Variants in SPAG16 observed in about 807,000 individuals in gnomAD.
SPAG16 encodes sperm-associated antigen 16 protein.
Under a neutral mutation model 80.4 loss-of-function variants are expected in SPAG16, and 86 were observed. That is an observed-to-expected ratio of 1.07 (90% CI 0.90 to 1.28). The LOEUF (loss-of-function observed/expected upper bound fraction) is 1.28, where lower values mean the gene tolerates loss of function less well. Among genes scored for constraint, SPAG16 ranks in the 50% most tolerant of loss-of-function variants. SPAG16 has a pLI of 0.00. For missense variants in SPAG16, 870 were observed against 765.3 expected (o/e 1.14, Z -1.61); for synonymous variants, 294 against 265.9 (o/e 1.11, Z -1.03).
intron 10 of SPAG16, among the ~76,000 whole-genome samples, chr2:213,833,296 A>G (rs141015694): frequency 0.015 from 2,140 of 145,650 alleles, 62 homozygotes; most frequent in African/African-American, 0.052. Flanking sequence ...GTAGAGATCC[A>G]CCAGACTGTT....
At chr2:214,361,657 T>C (rs1699193370) in intron 15 of SPAG16, among the ~76,000 whole-genome samples, 1 of 151,860 alleles carries the variant, frequency 6.6e-6, no homozygotes, top group South Asian at 2.1e-4. Flanking sequence ...AACTTGTAAA[T>C]TTAGAAGGCT....
At chr2:213,523,863 G>A (rs181679689) in intron 10 of SPAG16, among the ~76,000 whole-genome samples, 1 of 152,284 alleles carries the variant, frequency 6.6e-6, no homozygotes, top group Admixed American at 6.5e-5. Flanking sequence ...GTGGCAAAGT[G>A]TTCAAAGGAA....
intron 10 of SPAG16, among the ~76,000 whole-genome samples, chr2:213,700,538 A>C (rs2065360323): frequency 6.6e-6 from 1 of 152,204 alleles, no homozygotes; most frequent in Non-Finnish European, 1.5e-5. Flanking sequence ...CATTTTCTAG[A>C]ATGTTACTTA....
At chr2:214,378,174 C>T (rs1024412926) in intron 15 of SPAG16, among the ~76,000 whole-genome samples, 1 of 152,222 alleles carries the variant, frequency 6.6e-6, no homozygotes, top group African/African-American at 2.4e-5. Context: ...ACACTTTAGA[C>T]ATCTCCAGAA....
intron 11 of SPAG16, among the ~76,000 whole-genome samples, chr2:213,904,314 TG>T (rs1433754622): frequency 6.6e-6 from 1 of 152,142 alleles, no homozygotes; most frequent in African/African-American, 2.4e-5. Flanking sequence ...TCCACATGGC[TG>T]GGGAGGCCTC....
chr2:213,372,123 A>G (rs185790144), intron 8 of SPAG16, among the ~76,000 whole-genome samples: 27 of 139,644 alleles, frequency 1.9e-4, no homozygotes, highest in Admixed American at 1.0e-3. Flanking sequence ...ATATTATGAG[A>G]TAAATTTTTT....
At chr2:213,753,491 T>A (rs2125495613) in intron 10 of SPAG16, among the ~76,000 whole-genome samples, 1 of 152,330 alleles carries the variant, frequency 6.6e-6, no homozygotes, top group African/African-American at 2.4e-5. Context: ...ATGTATGAAT[T>A]ATTATATGTC....
At chr2:214,079,928 T>A (rs1313193600) in intron 13 of SPAG16, among the ~76,000 whole-genome samples, 1 of 152,200 alleles carries the variant, frequency 6.6e-6, no homozygotes, top group Non-Finnish European at 1.5e-5. Flanking sequence ...ATAGGGTAGA[T>A]GAAGGAATGT....
At chr2:213,308,649 A>G (rs1355398245) in intron 3 of SPAG16, among the ~76,000 whole-genome samples, 2 of 152,120 alleles carry the variant, frequency 1.3e-5, no homozygotes, top group East Asian at 3.9e-4. Context: ...GTCATTACAT[A>G]GTTTGTAATG....
chr2:213,814,717 G>T (rs1442132814), intron 10 of SPAG16, among the ~76,000 whole-genome samples: 2 of 152,110 alleles, frequency 1.3e-5, no homozygotes, highest in Non-Finnish European at 2.9e-5. Flanking sequence ...TTGAACCTGG[G>T]AGGCGGAGGT....
chr2:214,180,042 GATAA>G (rs1442000658), intron 15 of SPAG16, among the ~76,000 whole-genome samples: 3 of 151,486 alleles, frequency 2.0e-5, no homozygotes, highest in African/African-American at 7.3e-5. Context: ...AAATTACACA[GATAA>G]ATAATATTCT....
rs183507409 is a variant in SPAG16, at chr2:213,661,855, C to T, written c.1070+171765C>T. On this transcript the variant is annotated intron_variant, in intron 10 of 15. Coordinates refer to ENST00000331683, the MANE Select transcript of SPAG16 (RefSeq NM_024532.5). The stretch of plus-strand genomic sequence containing the variant: ...AATCCAGATAATAATTCCTGAATTA[C>T]CCCACCTTATAATTATCCAGAAGAA... Among the ~76,000 whole-genome samples, 6 of 152,076 alleles carry T rather than the reference C, an allele frequency of 3.9e-5. No individual in the cohort carries two copies. The South Asian group carries it at 6.2e-4, about 16-fold the overall frequency.
intron 9 of SPAG16, among the ~76,000 whole-genome samples, chr2:213,449,441 C>G (rs957043429): frequency 6.6e-6 from 1 of 152,170 alleles, no homozygotes; most frequent in African/African-American, 2.4e-5. Flanking sequence ...TGTTCTTACA[C>G]CCCCTCCCCT....
intron 10 of SPAG16, among the ~76,000 whole-genome samples, chr2:213,723,794 ACT>A (rs1165772612): frequency 3.3e-5 from 5 of 151,884 alleles, no homozygotes; most frequent in Non-Finnish European, 7.4e-5. Context: ...AAATTCACAG[ACT>A]CTCGGTTTGT....
At chr2:213,611,771 A>G (rs1480131090) in intron 10 of SPAG16, among the ~76,000 whole-genome samples, 1 of 152,164 alleles carries the variant, frequency 6.6e-6, no homozygotes, top group African/African-American at 2.4e-5. Context: ...TAAATGAGAA[A>G]CACTAGGTTT....
intron 14 of SPAG16, among the ~76,000 whole-genome samples, chr2:214,126,581 C>T (rs569103289): frequency 1.3e-5 from 2 of 151,800 alleles, no homozygotes; most frequent in South Asian, 2.1e-4. Flanking sequence ...TACTTATGCA[C>T]ATATTAAGAG....
At chr2:214,316,917 C>T (rs182314872) in intron 15 of SPAG16, among the ~76,000 whole-genome samples, 1 of 152,258 alleles carries the variant, frequency 6.6e-6, no homozygotes, top group Non-Finnish European at 1.5e-5. Flanking sequence ...CCTAATTTTG[C>T]CAGACCCTAG....
At chr2:213,874,135 TG>T (rs1237206299) in intron 11 of SPAG16, among the ~76,000 whole-genome samples, 3 of 152,156 alleles carry the variant, frequency 2.0e-5, no homozygotes, top group Admixed American at 2.0e-4. Flanking sequence ...GAAGCTGCTC[TG>T]GGTAAGTCAG....
At chr2:214,036,294 C>T (rs2048694832) in intron 13 of SPAG16, among the ~76,000 whole-genome samples, 1 of 152,166 alleles carries the variant, frequency 6.6e-6, no homozygotes, top group African/African-American at 2.4e-5. Flanking sequence ...TCCCAACTTT[C>T]AGCACAGAAT....
Sources: gnomAD v4.1 joint callset for allele counts (sites outside exome capture counted in the v4.1 genomes callset) on GRCh38, gnomAD v4.1.1 for gene constraint, MANE v1.5 for transcripts, NCBI Gene and HGNC (gene_info 2026-07-23, HGNC 2026-07-21) for gene names.